Variants in EXOC6B observed in about 807,000 individuals in gnomAD.
EXOC6B encodes the protein SEC15 homolog B.
In EXOC6B, 54 loss-of-function variants were observed where a neutral mutation model predicts 113.5. That is an observed-to-expected ratio of 0.48 (90% CI 0.38 to 0.60). The LOEUF is 0.60. Ranked by LOEUF, EXOC6B falls within the 20% of genes least tolerant of loss-of-function variation. The probability of loss-of-function intolerance (pLI) is 0.00; values close to 1 mark genes in which losing one functional copy is unlikely to be tolerated. For missense variants in EXOC6B, 797 were observed against 977.5 expected (o/e 0.82, Z 2.46); for synonymous variants, 357 against 339.0 (o/e 1.05, Z -0.58).
At chr2:72,362,541 ACAATAATG>A (rs1690381140) in intron 19 of EXOC6B, among the ~76,000 whole-genome samples, 1 of 152,166 alleles carries the variant, frequency 6.6e-6, no homozygotes, top group African/African-American at 2.4e-5. Flanking sequence ...TGACTTTATA[ACAATAATG>A]TGAGACAAAT....
intron 20 of EXOC6B, among the ~76,000 whole-genome samples, chr2:72,214,999 T>C (rs955214169): frequency 6.6e-6 from 1 of 152,178 alleles, no homozygotes; most frequent in African/African-American, 2.4e-5. Flanking sequence ...CAATGATCCA[T>C]CTTTCAAAAG....
chr2:72,242,288 A>T (rs1397423759), intron 20 of EXOC6B, among the ~76,000 whole-genome samples: 1 of 152,234 alleles, frequency 6.6e-6, no homozygotes, highest in East Asian at 1.9e-4. Context: ...CTTTAGAACA[A>T]AAATAACCAA....
intron 17 of EXOC6B, among the ~76,000 whole-genome samples, chr2:72,473,205 G>A (rs1698519014): frequency 6.6e-6 from 1 of 152,108 alleles, no homozygotes; most frequent in African/African-American, 2.4e-5. Context: ...TCGGTCTAAA[G>A]TCCAGTTTAA....
chr2:72,192,494 C>T (rs1678911133), intron 20 of EXOC6B, among the ~76,000 whole-genome samples: 1 of 152,150 alleles, frequency 6.6e-6, no homozygotes, highest in African/African-American at 2.4e-5. Flanking sequence ...CAATGGAAGA[C>T]ACCTATGACT....
At chr2:72,312,322 A>G (rs564974657) in intron 20 of EXOC6B, among the ~76,000 whole-genome samples, 66 of 151,532 alleles carry the variant, frequency 4.4e-4, no homozygotes, top group African/African-American at 1.6e-3. Flanking sequence ...TTTTTTCCCC[A>G]ACTGAGTCAA....
chr2:72,195,633 TAAATAAAATCCCTGC>T (rs1679122767), intron 20 of EXOC6B, among the ~76,000 whole-genome samples: 1 of 152,166 alleles, frequency 6.6e-6, no homozygotes, highest in South Asian at 2.1e-4. Context: ...CTAAGTGGCT[TAAATAAAATCCCTGC>T]AAAGAGACCA....
chr2:72,292,834 C>T (rs1264677206), intron 20 of EXOC6B, among the ~76,000 whole-genome samples: 1 of 152,124 alleles, frequency 6.6e-6, no homozygotes, highest in East Asian at 1.9e-4. Flanking sequence ...GCACAATGCT[C>T]TTGAGAGCCA....
At chr2:72,762,544 A>G (rs1215236355) in intron 1 of EXOC6B, among the ~76,000 whole-genome samples, 1 of 145,218 alleles carries the variant, frequency 6.9e-6, no homozygotes, top group East Asian at 2.0e-4. Flanking sequence ...GTGCTAAAGG[A>G]AAAAAAAAAA....
At chr2:72,664,289 A>T (rs140647705) in intron 6 of EXOC6B, among the ~76,000 whole-genome samples, 14 of 152,166 alleles carry the variant, frequency 9.2e-5, no homozygotes, top group African/African-American at 3.1e-4. Flanking sequence ...AAACACTGAG[A>T]CTCAGTAGAG....
At chr2:72,600,441 C>CAA (rs57908608) in intron 6 of EXOC6B, among the ~76,000 whole-genome samples, 124 of 87,430 alleles carry the variant, frequency 1.4e-3, no homozygotes, top group African/African-American at 5.2e-3. Context: ...GACCTTATCT[C>CAA]AAAAAAAAAA....
chr2:72,413,543 T>C (rs753266173), intron 18 of EXOC6B, among the ~76,000 whole-genome samples: 7 of 150,372 alleles, frequency 4.7e-5, no homozygotes, highest in Non-Finnish European at 1.0e-4. Flanking sequence ...ATTAGCTGGG[T>C]GTAGTGGTAC....
At chr2:72,327,180 C>G (rs1283818687) in intron 20 of EXOC6B, among the ~76,000 whole-genome samples, 2 of 151,958 alleles carry the variant, frequency 1.3e-5, no homozygotes, top group Admixed American at 6.6e-5. Context: ...CAAAGAGGTC[C>G]AGAAGTTACC....
chr2:72,253,958 A>G (rs1299325299), intron 20 of EXOC6B, among the ~76,000 whole-genome samples: 1 of 152,166 alleles, frequency 6.6e-6, no homozygotes, highest in Non-Finnish European at 1.5e-5. Flanking sequence ...CAGGAGATCA[A>G]GACCATCCTG....
chr2:72,601,709 A>C (rs1297891897), intron 6 of EXOC6B, among the ~76,000 whole-genome samples: 20 of 152,204 alleles, frequency 1.3e-4, no homozygotes, highest in Admixed American at 1.2e-3. Flanking sequence ...GTCCACAAAA[A>C]AACCTGCAAA....
At chr2:72,779,678 G>A (rs1045855461) in intron 1 of EXOC6B, among the ~76,000 whole-genome samples, 3 of 152,030 alleles carry the variant, frequency 2.0e-5, no homozygotes, top group African/African-American at 7.2e-5. Context: ...ACTAAGTTTG[G>A]GCCAAGCATA....
intron 19 of EXOC6B, among the ~76,000 whole-genome samples, chr2:72,366,711 A>G (rs1690646273): frequency 6.6e-6 from 1 of 152,082 alleles, no homozygotes. Context: ...AATTTGTACA[A>G]AGGAACAAAG....
chr2:72,782,400 T>C (rs1558997659), intron 1 of EXOC6B, among the ~76,000 whole-genome samples: 1 of 152,180 alleles, frequency 6.6e-6, no homozygotes, highest in Non-Finnish European at 1.5e-5. Context: ...AATTATTTTA[T>C]TGATACAAAA....
intron 6 of EXOC6B, among the ~76,000 whole-genome samples, chr2:72,585,926 G>A (rs982811682): frequency 2.6e-5 from 4 of 152,054 alleles, no homozygotes; most frequent in African/African-American, 4.8e-5. Flanking sequence ...CAACACAATA[G>A]AGAACCCAGA....
At chr2:72,265,143 T>A (rs908882723) in intron 20 of EXOC6B, among the ~76,000 whole-genome samples, 1 of 151,992 alleles carries the variant, frequency 6.6e-6, no homozygotes, top group Non-Finnish European at 1.5e-5. Context: ...CAAAATGCTG[T>A]TAGTGATATG....
Sources: allele counts gnomAD v4.1 joint callset (sites outside exome capture counted in the v4.1 genomes callset), GRCh38; gene constraint gnomAD v4.1.1; transcripts MANE v1.5; gene names NCBI Gene and HGNC (gene_info 2026-07-23, HGNC 2026-07-21).